The following ST18 variants were observed in gnomAD, a reference collection of about 807,000 sequenced individuals.
ST18 encodes suppression of tumorigenicity 18 protein.
ST18 carries 50 observed loss-of-function variants against 110.0 expected under a neutral mutation model. The observed-to-expected ratio is 0.45, with a 90% CI of 0.36 to 0.58. The LOEUF (loss-of-function observed/expected upper bound fraction) is 0.58. ST18 is among the 20% of genes least tolerant of loss of function. The pLI, the probability that ST18 is intolerant of heterozygous loss-of-function variation, is 0.00. For synonymous variants in ST18, 461 were observed against 452.4 expected, an observed-to-expected ratio of 1.02 and a Z score of -0.24; for missense variants, 1,306 against 1,280.1, an observed-to-expected ratio of 1.02 and a Z score of -0.31.
At chr8:52,222,386 G>T (rs2087147603) in intron 3 of ST18, among the ~76,000 whole-genome samples, 1 of 152,138 alleles carries the variant, frequency 6.6e-6, no homozygotes, top group Non-Finnish European at 1.5e-5. Context: ...GACGCTCACA[G>T]CTTCCACTCA....
chr8:52,363,737 T>C (rs553406777), intron 2 of ST18, among the ~76,000 whole-genome samples: 17 of 152,246 alleles, frequency 1.1e-4, no homozygotes, highest in South Asian at 6.2e-4. Flanking sequence ...AGAATTCAAG[T>C]GGTTTTTTTT....
Position 52,181,795 on chromosome 8 carries a change from A to T in ST18, c.87-1483T>A, listed in dbSNP as rs573560057. On this transcript the variant is annotated intron_variant, in intron 8 of 25. Transcript: ENST00000689386. ...CAAGGAAAATACAAGTCCACACCGT[A>T]GATTATGATGTAATGAGAGCCAGCA... 2.0e-5 allele frequency among the ~76,000 whole-genome samples: 3 copies of T among 152,302 alleles called. No homozygotes were observed. The East Asian group carries it at 5.8e-4, about 29-fold the overall frequency.
chr8:52,180,153 G>T lies in ST18; in HGVS notation c.246C>A (p.Gly82=). The T allele has an allele frequency of 1.2e-6, 2 of 1,614,068 alleles. No homozygotes were observed. Among genetic ancestry groups the T allele is most frequent in the Non-Finnish European group, 1.7e-6 (2 of 1,180,016 alleles). ...TAGAGTGACCATGTGTTTCCAAGGG[G>T]CCATCGTCCTCTGTCCTGTCACTGC... ...EDRSDRTEDD[G]PLETHGHSTA... Residue 82 remains glycine, a synonymous_variant, in exon 9 of 26, where the codon GGC becomes GGA. Transcript: ENST00000689386.
At chr8:52,301,548 T>C (rs969226619) in intron 2 of ST18, among the ~76,000 whole-genome samples, 11 of 152,222 alleles carry the variant, frequency 7.2e-5, no homozygotes, top group African/African-American at 2.4e-4. Context: ...CAAGAATCGA[T>C]ATTTATTTCT....
intron 8 of ST18, among the ~76,000 whole-genome samples, chr8:52,199,820 C>G (rs138253120): frequency 2.0e-3 from 298 of 152,268 alleles, no homozygotes; most frequent in African/African-American, 6.8e-3. Context: ...GAAGAGTTTG[C>G]CTCACACTGT....
chr8:52,209,318 G>A (rs2135869062), intron 8 of ST18, among the ~76,000 whole-genome samples: 1 of 152,324 alleles, frequency 6.6e-6, no homozygotes, highest in South Asian at 2.1e-4. Flanking sequence ...CCTACCAGCT[G>A]TGTAGCCTTG....
intron 25 of ST18, among the ~76,000 whole-genome samples, chr8:52,115,536 T>G (rs114339505): frequency 0.016 from 2,429 of 152,316 alleles, 74 homozygotes; most frequent in African/African-American, 0.055. Context: ...CCTAAAGTAT[T>G]CAGTACACTA....
chr8:52,195,346 TTTTAA>T (rs1270255882), intron 8 of ST18, among the ~76,000 whole-genome samples: 1 of 152,198 alleles, frequency 6.6e-6, no homozygotes, highest in Admixed American at 6.5e-5. Flanking sequence ...CACACTGTTA[TTTTAA>T]TTTGAGTAAT....
At chr8:52,164,988 G>A (rs1393375837) in intron 12 of ST18, 147 bp downstream of exon 12, 2 of 710,618 alleles carry the variant, frequency 2.8e-6, no homozygotes, top group African/African-American at 1.8e-5. Flanking sequence ...TGCACATGCT[G>A]AGAATATTTC....
At chr8:52,165,349 C>T (rs1377479498) in intron 11 of ST18, 124 bp from the exon 12 acceptor site, 1 of 878,248 alleles carries the variant, frequency 1.1e-6, no homozygotes, top group Non-Finnish European at 1.8e-6. Context: ...TGCTCTCTCT[C>T]TCTATTCAGA....
intron 2 of ST18, among the ~76,000 whole-genome samples, chr8:52,368,820 G>A (rs1208547666): frequency 1.3e-5 from 2 of 152,158 alleles, no homozygotes; most frequent in Non-Finnish European, 2.9e-5. Context: ...ATATCCTTAG[G>A]ATAAATATTA....
At chr8:52,227,258 A>C (rs1159380203) in intron 3 of ST18, among the ~76,000 whole-genome samples, 1 of 152,172 alleles carries the variant, frequency 6.6e-6, no homozygotes, top group East Asian at 1.9e-4. Context: ...ATTGAGAAGA[A>C]ATCTATGGAT....
intron 2 of ST18, among the ~76,000 whole-genome samples, chr8:52,281,487 T>A (rs962752448): frequency 6.6e-6 from 1 of 152,158 alleles, no homozygotes; most frequent in Non-Finnish European, 1.5e-5. Context: ...GGAAAACTCA[T>A]GGAAACATTA....
intron 2 of ST18, among the ~76,000 whole-genome samples, chr8:52,256,321 C>A (rs1161357186): frequency 6.6e-6 from 1 of 152,202 alleles, no homozygotes; most frequent in Non-Finnish European, 1.5e-5. Flanking sequence ...AGGTGATACT[C>A]CAACGCAAGG....
intron 2 of ST18, among the ~76,000 whole-genome samples, chr8:52,325,518 T>A (rs1005142723): frequency 6.6e-6 from 1 of 152,196 alleles, no homozygotes; most frequent in Non-Finnish European, 1.5e-5. Flanking sequence ...TTATGCATCC[T>A]GAAAGCTTAA....
chr8:52,175,398 T>C (rs1459456401), intron 9 of ST18, among the ~76,000 whole-genome samples: 1 of 152,104 alleles, frequency 6.6e-6, no homozygotes, highest in East Asian at 1.9e-4. Flanking sequence ...TCATCCCCAC[T>C]CCCAGCACAC....
intron 25 of ST18, among the ~76,000 whole-genome samples, chr8:52,114,392 T>C (rs1586044011): frequency 2.0e-5 from 3 of 152,288 alleles, no homozygotes; most frequent in African/African-American, 7.2e-5. Context: ...ACAAGGGGAA[T>C]GCTACTCAGT....
At chr8:52,158,496 C>A (rs1286578494) in intron 15 of ST18, among the ~76,000 whole-genome samples, 1 of 152,236 alleles carries the variant, frequency 6.6e-6, no homozygotes, top group Non-Finnish European at 1.5e-5. Flanking sequence ...TTTGATCACA[C>A]ATTTCTTACC....
chr8:52,365,527 A>G (rs1827513880), intron 2 of ST18, among the ~76,000 whole-genome samples: 1 of 152,222 alleles, frequency 6.6e-6, no homozygotes, highest in Admixed American at 6.5e-5. Context: ...TGATTAAAAA[A>G]TGTTATATAC....
Sources: gnomAD v4.1 joint callset for allele counts (sites outside exome capture counted in the v4.1 genomes callset) on GRCh38, gnomAD v4.1.1 for gene constraint, MANE v1.5 for transcripts, NCBI Gene and HGNC (gene_info 2026-07-23, HGNC 2026-07-21) for gene names.